Variants in PRKDC observed in about 807,000 individuals in gnomAD.
PRKDC encodes protein kinase, DNA-activated, catalytic subunit.
A neutral mutation model predicts 486.9 loss-of-function variants in PRKDC; 82 were observed. The observed-to-expected ratio is 0.17, with a 90% CI of 0.14 to 0.20. The LOEUF is 0.20. Among genes scored for constraint, PRKDC ranks in the 10% least tolerant of loss-of-function variants. The probability of loss-of-function intolerance (pLI) is 1.00; values close to 1 mark genes in which losing one functional copy is unlikely to be tolerated. For synonymous variants in PRKDC, 1,895 were observed against 1,837.0 expected, an observed-to-expected ratio of 1.03 and a Z score of -0.81; for missense variants, 4,504 against 5,038.2, an observed-to-expected ratio of 0.89 and a Z score of 3.21.
At position 47,857,166 on chromosome 8, in the gene PRKDC, G is replaced by A; in HGVS notation, c.6599C>T (p.Ala2200Val). 6.2e-7 allele frequency: 1 copy of A among 1,613,372 alleles called. No individual in the cohort carries two copies. The highest frequency in any genetic ancestry group is 1.7e-5 in the Admixed American group (1 of 59,910). Residue 2200 changes from alanine (A) to valine (V), a missense_variant, in exon 49 of 86, where the codon GCC (alanine) becomes GTC (valine). This residue lies in a region of PRKDC where 1,592 missense variants were observed against 1,724.6 expected (regional missense o/e 0.92). Transcript: ENST00000314191. ...VATILSWTGL[A>V]TPTGVPKDEV... ...TGCATCAATCCTTACTGTTGGAGTG[G>A]CCAAGCCTGTCCATGAAAGAATAGT...
At chr8:47,792,149 C>A (rs575458785) in intron 74 of PRKDC, among the ~76,000 whole-genome samples, 1 of 151,034 alleles carries the variant, frequency 6.6e-6, no homozygotes, top group African/African-American at 2.4e-5. Flanking sequence ...CAACTGAACT[C>A]GTGGGGAGGG....
intron 76 of PRKDC, among the ~76,000 whole-genome samples, chr8:47,785,550 A>T (rs1200728496): frequency 6.6e-6 from 1 of 152,008 alleles, no homozygotes; most frequent in Non-Finnish European, 1.5e-5. Flanking sequence ...CCCGGGCAAC[A>T]TAGCAAGACC....
In PRKDC at chr8:47,959,973, C is replaced by A; in HGVS notation, c.154G>T (p.Ala52Ser). ...CGGCCCAGCTCGGGCCGGTACCCAC[C>A]CAGCACCGCGGGGCTGCTGCTCAGG... The part of the protein sequence containing the change: ...CVLSSSPAVL[A>S]LQTSLVFSRD... The change falls in exon 1 of 86, where the codon GCA (alanine) becomes TCA (serine). Residue 52 changes from alanine to serine, a missense_variant and splice_region_variant. Physicochemically the swap from Ala to Ser is moderately conservative, Grantham distance 99. Transcript: ENST00000314191. 1 of 1,535,160 alleles carries A rather than the reference C, an allele frequency of 6.5e-7. No individual in the cohort carries two copies. Among genetic ancestry groups the A allele is most frequent in the Non-Finnish European group, 8.7e-7 (1 of 1,146,810 alleles).
chr8:47,936,633 T>C, intron 11 of PRKDC, 116 bp from the exon 12 acceptor site: 2 of 1,231,900 alleles, frequency 1.6e-6, no homozygotes, highest in Non-Finnish European at 2.2e-6. Context: ...CTTCTTTTTT[T>C]TTTGAGACGA....
At chr8:47,850,480 C>G (rs1156756118) in intron 52 of PRKDC, among the ~76,000 whole-genome samples, 3 of 152,126 alleles carry the variant, frequency 2.0e-5, no homozygotes, top group Non-Finnish European at 4.4e-5. Context: ...AATGGAAACA[C>G]TCCTGGTCCC....
At chr8:47,877,051 A>G (rs576139391) in intron 40 of PRKDC, among the ~76,000 whole-genome samples, 3 of 152,384 alleles carry the variant, frequency 2.0e-5, no homozygotes, top group Admixed American at 6.5e-5. Flanking sequence ...GCTTTTAGAC[A>G]TAACTTTCCA....
Position 47,840,134 on chromosome 8 carries a change from A to G in PRKDC, c.7336T>C (p.Leu2446=). ...LDIIYKMMPK[L]KPVELRELLN... is the part of the protein sequence containing the mutation. ...AGTTCTCGGAGTTCTACTGGTTTTA[A>G]CTTTGGCATCATCTTATAAATTATG... The change falls in exon 55 of 86, where the codon TTA becomes CTA. Residue 2446 remains leucine (L), a synonymous_variant. Transcript: ENST00000314191. The G allele has an allele frequency of 6.3e-7, 1 of 1,599,830 alleles. No homozygotes were observed. Among genetic ancestry groups the G allele is most frequent in the South Asian group, 1.1e-5 (1 of 88,886 alleles).
intron 44 of PRKDC, 87 bp downstream of exon 44, chr8:47,861,975 A>G (rs564285395): frequency 9.1e-7 from 1 of 1,096,516 alleles, no homozygotes; most frequent in African/African-American, 1.6e-5. Context: ...GCCGACTTGA[A>G]TATTGGCAAC....
chr8:47,836,116 A>G (rs192614109), intron 58 of PRKDC, among the ~76,000 whole-genome samples: 1 of 152,020 alleles, frequency 6.6e-6, no homozygotes, highest in East Asian at 1.9e-4. Context: ...ATAAATCCCC[A>G]TTCCTCCTCC....
intron 10 of PRKDC, among the ~76,000 whole-genome samples, chr8:47,942,690 G>C (rs1456273508): frequency 6.6e-6 from 1 of 152,174 alleles, no homozygotes; most frequent in Admixed American, 6.5e-5. Context: ...GGACACCCAG[G>C]ACATCCTGGA....
rs1355266531 is a variant in PRKDC at position 47,913,986 on chromosome 8, C to G, written c.2696G>C (p.Arg899Thr). ...CAGGAAAATGACAGGTTTCATCTCTCTAAAGGGCACTGCAAAGCTCAGCCG... is the reference window on the plus strand; with the variant it reads ...CAGGAAAATGACAGGTTTCATCTCTGTAAAGGGCACTGCAAAGCTCAGCCG... ...EKRLSFAVPFREMKPVIFLDV... is the reference protein window; with the variant it reads ...EKRLSFAVPFTEMKPVIFLDV... Residue 899 changes from arginine (R) to threonine (T), a missense_variant, in exon 24 of 86, where the codon AGA (arginine) becomes ACA (threonine). Arg to Thr is a moderately conservative substitution (Grantham distance 71, BLOSUM62 -1). Around this residue, in one of 6 missense-constraint regions of PRKDC, gnomAD observed 1,969 missense variants for 2,068.9 expected, o/e 0.95. Transcript: ENST00000314191. 3 of 1,609,522 alleles carry G rather than the reference C, an allele frequency of 1.9e-6. No individual in the cohort carries two copies. Among genetic ancestry groups the G allele is most frequent in the Admixed American group, 1.7e-5 (1 of 59,474 alleles).
At chr8:47,857,687 G>C (rs752100766) in intron 48 of PRKDC, among the ~76,000 whole-genome samples, 1 of 152,124 alleles carries the variant, frequency 6.6e-6, no homozygotes, top group Non-Finnish European at 1.5e-5. Flanking sequence ...AGTCCCCCCA[G>C]TATGGCACCC....
At chr8:47,868,226 T>C (rs769792276) in intron 40 of PRKDC, among the ~76,000 whole-genome samples, 1 of 152,068 alleles carries the variant, frequency 6.6e-6, no homozygotes, top group East Asian at 1.9e-4. Flanking sequence ...CTCCTCTATA[T>C]CCTGAAGGGT....
intron 13 of PRKDC, among the ~76,000 whole-genome samples, chr8:47,935,530 T>A (rs2090334828): frequency 6.6e-6 from 1 of 151,862 alleles, no homozygotes; most frequent in Non-Finnish European, 1.5e-5. Context: ...CTATTAAAAT[T>A]AATAGTTCTA....
rs780119457 is a variant in PRKDC, at chr8:47,933,071, A to G, written c.1725T>C (p.Ile575=). 1.3e-6 allele frequency: 2 copies of G among 1,596,608 alleles called. No individual in the cohort carries two copies. Among genetic ancestry groups the G allele is most frequent in the East Asian group, 2.3e-5 (1 of 44,126 alleles). ...CAAGTGTAAGATCCAATTTCTCAAC[A>G]ATCTTCAAAACGGATTTTACAAATT... is the stretch of plus-strand genomic sequence containing the variant. ...YDEFVKSVLK[I]VEKLDLTLEI... Residue 575 remains isoleucine (I), a synonymous_variant, in exon 16 of 86, where the codon ATT becomes ATC. Transcript: ENST00000314191.
chr8:47,937,453 G>A (rs76705223), intron 11 of PRKDC, among the ~76,000 whole-genome samples: 3,684 of 152,340 alleles, frequency 0.024, 62 homozygotes, highest in Non-Finnish European at 0.036. Context: ...ACCTACAGGA[G>A]AGGCCAGGAG....
intron 68 of PRKDC, among the ~76,000 whole-genome samples, chr8:47,815,154 GA>G (rs1323810255): frequency 5.3e-5 from 8 of 152,082 alleles, no homozygotes; most frequent in African/African-American, 1.7e-4. Flanking sequence ...TCAAAAAAAA[GA>G]AAAGTTCGAG....
At position 47,879,026 on chromosome 8, in the gene PRKDC, C is replaced by T. The variant is rs1218320357; in HGVS notation, c.5235+465G>A. ...TTAGGGATAATCACGAAATGCTTCT[C>T]AAATAATCGCTACTCTATTAAATTT... On this transcript the variant is annotated intron_variant, in intron 39 of 85. Coordinates refer to ENST00000314191, the MANE Select transcript of PRKDC (RefSeq NM_006904.7). 7.9e-5 allele frequency among the ~76,000 whole-genome samples: 12 copies of T among 152,188 alleles called. No homozygotes were observed. In the East Asian group the frequency reaches 2.3e-3, roughly 29 times the overall value.
chr8:47,919,687 TG>T lies in PRKDC; in HGVS notation c.2420-1305del, dbSNP rs938504648. Among the ~76,000 whole-genome samples, 22 of 151,866 alleles carry T rather than the reference TG, an allele frequency of 1.4e-4. No individual in the cohort carries two copies. The South Asian group carries it at 1.7e-3, about 12-fold the overall frequency. ...GATGTTAAAGAGTTCTACTCTCTGA[TG>T]GGCCAGAGATGATAAGAGAATCCAG... On this transcript the variant is annotated intron_variant, in intron 21 of 85. Transcript: ENST00000314191.
Sources: allele counts gnomAD v4.1 joint callset (sites outside exome capture counted in the v4.1 genomes callset), GRCh38; gene constraint gnomAD v4.1.1; regional missense constraint gnomAD v4.1.1; transcripts MANE v1.5; gene names NCBI Gene and HGNC (gene_info 2026-07-23, HGNC 2026-07-21).